KLHL32: variants seen among roughly 807,000 people sequenced by gnomAD.
KLHL32 encodes the protein kelch-like protein 32.
Under a neutral mutation model 64.8 loss-of-function variants are expected in KLHL32, and 35 were observed. The observed-to-expected ratio is 0.54, with a 90% CI of 0.41 to 0.72. The LOEUF is 0.72. Among genes scored for constraint, KLHL32 ranks in the 30% least tolerant of loss-of-function variants. The probability of loss-of-function intolerance (pLI) is 0.00; values close to 1 mark genes in which losing one functional copy is unlikely to be tolerated. For synonymous variants in KLHL32, 259 were observed against 281.0 expected (o/e 0.92, Z 0.78); for missense variants, 589 against 768.5 (o/e 0.77, Z 2.76).
intron 1 of KLHL32, among the ~76,000 whole-genome samples, chr6:96,964,604 G>A (rs1160662913): frequency 6.6e-6 from 1 of 152,190 alleles, no homozygotes; most frequent in Admixed American, 6.5e-5. Context: ...AGTGAGCCGA[G>A]ATCGCCCCAC....
upstream of KLHL32, among the ~76,000 whole-genome samples, chr6:96,921,055 A>T (rs1768738980): frequency 2.0e-5 from 3 of 152,186 alleles, no homozygotes; most frequent in African/African-American, 7.2e-5. Flanking sequence ...AGGTATTGTA[A>T]TCTTTTTATA....
At chr6:97,083,209 G>A (rs982185973) in intron 5 of KLHL32, among the ~76,000 whole-genome samples, 1 of 152,060 alleles carries the variant, frequency 6.6e-6, no homozygotes, top group Non-Finnish European at 1.5e-5. Flanking sequence ...GACCAATATG[G>A]TGAAACCCCA....
intron 7 of KLHL32, among the ~76,000 whole-genome samples, chr6:97,123,601 G>C (rs1048822668): frequency 6.6e-6 from 1 of 152,134 alleles, no homozygotes; most frequent in Non-Finnish European, 1.5e-5. Context: ...CAAAGTTAGA[G>C]AAAACTTGGT....
At chr6:97,117,969 C>T (rs1797975975) in intron 7 of KLHL32, among the ~76,000 whole-genome samples, 1 of 152,170 alleles carries the variant, frequency 6.6e-6, no homozygotes, top group South Asian at 2.1e-4. Context: ...TCTTGATTCT[C>T]TTGGTGAATG....
intron 3 of KLHL32, among the ~76,000 whole-genome samples, chr6:96,985,858 C>T (rs1776980165): frequency 6.6e-6 from 1 of 152,080 alleles, no homozygotes; most frequent in Non-Finnish European, 1.5e-5. Flanking sequence ...TGTCTGAAGC[C>T]TTCTTGTCTC....
intron 6 of KLHL32, among the ~76,000 whole-genome samples, chr6:97,090,961 C>T (rs975812233): frequency 6.6e-6 from 1 of 152,262 alleles, no homozygotes. Flanking sequence ...CAGTGGCTTA[C>T]GCCTGTAATC....
In KLHL32 at chr6:97,083,532, C is replaced by A. The variant is rs568915156; in HGVS notation, c.412-1594C>A. Among the ~76,000 whole-genome samples, 18 of 152,302 alleles carry A rather than the reference C, an allele frequency of 1.2e-4. No individual in the cohort carries two copies. In the East Asian group the frequency reaches 3.5e-3, roughly 29 times the overall value. On this transcript the variant is annotated intron_variant, in intron 5 of 10. Transcript: ENST00000369261. ...TGCTCTTCTCTGCCTGCCTTGGTTG[C>A]CTCCAGGTGCCTGTGGTGGCTGATG... is the stretch of plus-strand genomic sequence containing the variant.
At chr6:96,957,286 A>G (rs1289545835) in intron 1 of KLHL32, among the ~76,000 whole-genome samples, 9 of 152,270 alleles carry the variant, frequency 5.9e-5, no homozygotes, top group African/African-American at 2.2e-4. Context: ...TAAATCTCAT[A>G]TTTTCTATTT....
In KLHL32 at chr6:97,096,672, A is replaced by G. The variant is rs532906831; in HGVS notation, c.627+11331A>G. 7.2e-5 allele frequency among the ~76,000 whole-genome samples: 11 copies of G among 152,326 alleles called. No homozygotes were observed. The East Asian group carries it at 2.1e-3, about 29-fold the overall frequency. On this transcript the variant is annotated intron_variant, in intron 6 of 10. Transcript: ENST00000369261. ...GTGGGTTCCAGTCCCTTTCCTACCA[A>G]TTGTGGTTCCCACCATAGCATCAAG... is the stretch of plus-strand genomic sequence containing the variant.
At chr6:96,992,144 A>G (rs1777952026) in intron 3 of KLHL32, among the ~76,000 whole-genome samples, 1 of 152,180 alleles carries the variant, frequency 6.6e-6, no homozygotes. Context: ...ATTTGCCCCC[A>G]TCCTGGTGGG....
At position 97,113,794 on chromosome 6, in the gene KLHL32, G is replaced by A; in HGVS notation, c.639G>A (p.Arg213=). 1 of 1,610,940 alleles carries A rather than the reference G, an allele frequency of 6.2e-7. No homozygotes were observed. Among genetic ancestry groups the A allele is most frequent in the Non-Finnish European group, 8.5e-7 (1 of 1,177,378 alleles). ...TCCCTCTGTTTCAGCTAGCTGTGAG[G>A]TGGTTGGAACACAACTGCCACTACC... ...SEEQIWQLAV[R]WLEHNCHYQY... Residue 213 remains arginine, a synonymous_variant, in exon 7 of 11, where the codon AGG becomes AGA. Coordinates refer to ENST00000369261, the MANE Select transcript of KLHL32 (RefSeq NM_052904.4).
At chr6:96,934,365 C>T (rs1265023664) in intron 1 of KLHL32, among the ~76,000 whole-genome samples, 1 of 152,196 alleles carries the variant, frequency 6.6e-6, no homozygotes, top group Non-Finnish European at 1.5e-5. Flanking sequence ...GTGAGCTGCT[C>T]ACACTCTGCT....
chr6:97,122,217 A>G (rs1234651057), intron 7 of KLHL32, among the ~76,000 whole-genome samples: 1 of 152,204 alleles, frequency 6.6e-6, no homozygotes, highest in East Asian at 1.9e-4. Context: ...CTATTTTCAA[A>G]TGCAGCAACC....
At chr6:97,076,565 C>T (rs945367159) in intron 5 of KLHL32, among the ~76,000 whole-genome samples, 1 of 152,190 alleles carries the variant, frequency 6.6e-6, no homozygotes, top group Non-Finnish European at 1.5e-5. Context: ...AAGACACCAC[C>T]AGTGCCTTGT....
intron 1 of KLHL32, among the ~76,000 whole-genome samples, chr6:96,952,763 C>G (rs1772781029): frequency 6.6e-6 from 1 of 152,162 alleles, no homozygotes; most frequent in African/African-American, 2.4e-5. Flanking sequence ...TGTGACTTCC[C>G]CAGTTGTTCC....
At chr6:97,064,969 T>A (rs908149790) in intron 5 of KLHL32, among the ~76,000 whole-genome samples, 1 of 152,166 alleles carries the variant, frequency 6.6e-6, no homozygotes, top group African/African-American at 2.4e-5. Context: ...CCCACGACCA[T>A]TGAGCAGCCG....
intron 5 of KLHL32, among the ~76,000 whole-genome samples, chr6:97,073,309 T>C (rs1791049569): frequency 6.6e-6 from 1 of 152,228 alleles, no homozygotes; most frequent in African/African-American, 2.4e-5. Flanking sequence ...TTTGCTGAAA[T>C]GCATACATTG....
chr6:96,980,294 G>A (rs1776163450), intron 3 of KLHL32, among the ~76,000 whole-genome samples: 1 of 152,118 alleles, frequency 6.6e-6, no homozygotes, highest in Non-Finnish European at 1.5e-5. Flanking sequence ...TGTTGGTGTG[G>A]GTTTGTCATA....
At chr6:96,988,546 C>G in intron 3 of KLHL32, among the ~76,000 whole-genome samples, 1 of 152,066 alleles carries the variant, frequency 6.6e-6, no homozygotes, top group Non-Finnish European at 1.5e-5. Flanking sequence ...GTCAGTGTGG[C>G]GATTCCTCAG....
Sources: gnomAD v4.1 joint callset for allele counts (sites outside exome capture counted in the v4.1 genomes callset) on GRCh38, gnomAD v4.1.1 for gene constraint, MANE v1.5 for transcripts, NCBI Gene and HGNC (gene_info 2026-07-23, HGNC 2026-07-21) for gene names.